The following FMR1NB variants were observed in gnomAD, a reference collection of about 807,000 sequenced individuals.
The protein encoded by FMR1NB is FMR1 neighbor.
In FMR1NB, 10 loss-of-function variants were observed where a neutral mutation model predicts 16.8. The ratio of observed to expected loss-of-function variants is 0.60; its 90% CI spans 0.37 to 1.01. The LOEUF is 1.01. FMR1NB is among the 50% of genes least tolerant of loss of function. The pLI, the probability that FMR1NB is intolerant of heterozygous loss-of-function variation, is 0.01. For synonymous variants in FMR1NB, 83 were observed against 79.1 expected, an observed-to-expected ratio of 1.05 and a Z score of -0.26; for missense variants, 205 against 204.8, an observed-to-expected ratio of 1.00 and a Z score of 0.00.
intron 1 of FMR1NB, among the ~76,000 whole-genome samples, chrX:147,983,398 T>C (rs1186239580): frequency 8.9e-6 from 1 of 112,457 alleles, no homozygotes; most frequent in African/African-American, 3.2e-5. Context: ...ATATATGTTA[T>C]CTGTCCCCCT....
At chrX:148,014,695 A>C (rs1279855603) in intron 4 of FMR1NB, among the ~76,000 whole-genome samples, 1 of 111,593 alleles carries the variant, frequency 9.0e-6, no homozygotes. Context: ...CCCAGGTTGG[A>C]GTGCAGTGGC....
chrX:148,018,033 A>C (rs1557190286), intron 4 of FMR1NB, among the ~76,000 whole-genome samples: 3 of 107,119 alleles, frequency 2.8e-5, no homozygotes, highest in African/African-American at 6.9e-5. Context: ...AGCATGATTT[A>C]TAGTCCTTTG....
At chrX:148,024,785 AT>A in intron 4 of FMR1NB, 79 bp from the exon 5 acceptor site, 2 of 1,104,446 alleles carry the variant, frequency 1.8e-6, no homozygotes, top group African/African-American at 3.7e-5. Flanking sequence ...CTGGGCAAAT[AT>A]TTTTTTCCTT....
At chrX:147,988,356 A>G (rs1328550389) in intron 1 of FMR1NB, among the ~76,000 whole-genome samples, 1 of 111,881 alleles carries the variant, frequency 8.9e-6, no homozygotes, top group Non-Finnish European at 1.9e-5. Flanking sequence ...TCTGGCTTGT[A>G]GGGTTTCTGC....
At chrX:148,013,015 G>C (rs1540257) in intron 4 of FMR1NB, among the ~76,000 whole-genome samples, 8,647 of 111,532 alleles carry the variant, frequency 0.078, 492 homozygotes, top group African/African-American at 0.2. Context: ...TGACTAGGCT[G>C]TAAGAACTTT....
intron 1 of FMR1NB, among the ~76,000 whole-genome samples, chrX:147,994,512 A>G (rs1356028192): frequency 8.9e-6 from 1 of 112,615 alleles, no homozygotes; most frequent in East Asian, 2.8e-4. Context: ...TAAAACACCA[A>G]AGTATTTCTG....
chrX:148,018,124 C>T (rs1221380766), intron 4 of FMR1NB, among the ~76,000 whole-genome samples: 6 of 110,233 alleles, frequency 5.4e-5, no homozygotes, highest in African/African-American at 2.0e-4. Flanking sequence ...CACTGACTTG[C>T]ACAAGGGTTG....
chrX:147,988,067 T>A (rs782383864), intron 1 of FMR1NB, among the ~76,000 whole-genome samples: 1 of 111,883 alleles, frequency 8.9e-6, no homozygotes, highest in South Asian at 3.8e-4. Context: ...TGATGCTAGC[T>A]GTTTTGCACA....
chrX:147,997,156 C>T (rs2044545948), intron 1 of FMR1NB, among the ~76,000 whole-genome samples: 2 of 111,107 alleles, frequency 1.8e-5, no homozygotes, highest in Admixed American at 9.6e-5. Flanking sequence ...GTTTATAAAG[C>T]CTAAGCAAAA....
chrX:147,981,534 A>T lies in FMR1NB; in HGVS notation c.132A>T (p.Gly44=). ...CGAATCCCGAGAGCAGCCATCCTGG[A>T]TACGAGGCCGCCATGGCTGACAGGC... ...TESNPESSHP[G]YEAAMADRPQ... The change falls in exon 1 of 6, where the codon GGA becomes GGT. Residue 44 remains glycine (G), a synonymous_variant. Coordinates refer to ENST00000370467, the MANE Select transcript of FMR1NB (RefSeq NM_152578.3). 2 of 1,211,921 alleles carry T rather than the reference A, an allele frequency of 1.7e-6. No individual in the cohort carries two copies. Among genetic ancestry groups the T allele is most frequent in the Middle Eastern group, 2.3e-4 (1 of 4,349 alleles).
chrX:148,003,684 C>A (rs1192557252), intron 2 of FMR1NB, among the ~76,000 whole-genome samples: 3 of 112,173 alleles, frequency 2.7e-5, no homozygotes, highest in South Asian at 3.7e-4. Context: ...AAATTGATGT[C>A]TTCTGTGGCA....
intron 4 of FMR1NB, among the ~76,000 whole-genome samples, chrX:148,021,076 A>G (rs1409963505): frequency 8.9e-6 from 1 of 111,889 alleles, no homozygotes; most frequent in Non-Finnish European, 1.9e-5. Flanking sequence ...GACTACTGGG[A>G]TGGGTGGTTC....
At chrX:147,995,058 G>T (rs2044535224) in intron 1 of FMR1NB, among the ~76,000 whole-genome samples, 2 of 111,504 alleles carry the variant, frequency 1.8e-5, no homozygotes, top group Non-Finnish European at 3.8e-5. Context: ...GGGGAAACTT[G>T]GATGCAGAGA....
rs781942129 is a variant in FMR1NB at position 147,981,670 on chromosome X, C to G, written c.268C>G (p.Leu90Val). 2.0e-6 allele frequency: 2 copies of G among 1,009,034 alleles called. No homozygotes were observed. The highest frequency in any genetic ancestry group is 2.6e-6 in the Non-Finnish European group (2 of 772,601). 83.2% of individuals were successfully genotyped at this position (1,009,034 alleles called of 1,213,427 possible). A position where few individuals can be genotyped will look rare whatever the true frequency, so the allele number is the denominator to read the frequency against. Residue 90 changes from leucine (L) to valine (V), a missense_variant, in exon 1 of 6, where the codon CTG becomes GTG. Physicochemically the swap from Leu to Val is conservative, Grantham distance 32 (BLOSUM62 1). Transcript: ENST00000370467. The stretch of plus-strand genomic sequence containing the variant: ...CGTGTGCTACTACCTGTCCTACTAC[C>G]TGTGCTCCGGTGAGTGCTGGCTCAG... ...LFVCYYLSYYLCSGSSYFVLA... is the reference protein window; with the variant it reads ...LFVCYYLSYYVCSGSSYFVLA...
intron 1 of FMR1NB, among the ~76,000 whole-genome samples, chrX:147,993,766 G>A (rs1603074347): frequency 3.7e-5 from 4 of 109,376 alleles, no homozygotes; most frequent in Admixed American, 2.0e-4. Context: ...CCTACTTTCA[G>A]CTCTCCAAAA....
At chrX:148,001,938 T>C (rs1430940689) in intron 1 of FMR1NB, among the ~76,000 whole-genome samples, 3 of 110,780 alleles carry the variant, frequency 2.7e-5, no homozygotes, top group African/African-American at 9.8e-5. Flanking sequence ...AAGGGCCTTA[T>C]GACTGCTGGA....
chrX:147,999,401 C>G (rs1337724328), intron 1 of FMR1NB, among the ~76,000 whole-genome samples: 1 of 111,980 alleles, frequency 8.9e-6, no homozygotes, highest in Non-Finnish European at 1.9e-5. Context: ...CCATCTGTAG[C>G]TCCCTTCTCA....
intron 1 of FMR1NB, among the ~76,000 whole-genome samples, chrX:147,986,975 T>C (rs2124610846): frequency 9.0e-6 from 1 of 111,680 alleles, no homozygotes; most frequent in East Asian, 2.8e-4. Context: ...TTTCCATTTG[T>C]TTGTGTCGTC....
chrX:147,998,227 G>A (rs1341233242), intron 1 of FMR1NB, among the ~76,000 whole-genome samples: 1 of 112,207 alleles, frequency 8.9e-6, no homozygotes, highest in Non-Finnish European at 1.9e-5. Context: ...ATGATAGACT[G>A]GATAAAGAAA....
Sources: gnomAD v4.1 joint callset for allele counts (sites outside exome capture counted in the v4.1 genomes callset) on GRCh38, gnomAD v4.1.1 for gene constraint, MANE v1.5 for transcripts, NCBI Gene and HGNC (gene_info 2026-07-23, HGNC 2026-07-21) for gene names.